PLCB1: variants seen among roughly 807,000 people sequenced by gnomAD.
PLCB1 encodes 1-phosphatidylinositol 4,5-bisphosphate phosphodiesterase beta-1.
Under a neutral mutation model 161.8 loss-of-function variants are expected in PLCB1, and 46 were observed. The ratio of observed to expected loss-of-function variants is 0.28; its 90% CI spans 0.22 to 0.36. The LOEUF (loss-of-function observed/expected upper bound fraction) is 0.36, where lower values mean the gene tolerates loss of function less well. PLCB1 is among the 10% of genes least tolerant of loss of function. The probability of loss-of-function intolerance (pLI) is 1.00; values close to 1 mark genes in which losing one functional copy is unlikely to be tolerated. For synonymous variants in PLCB1, 517 were observed against 503.7 expected (o/e 1.03, Z -0.35); for missense variants, 1,016 against 1,472.5 (o/e 0.69, Z 5.07).
chr20:8,844,084 G>T (rs948825272), intron 31 of PLCB1, among the ~76,000 whole-genome samples: 1 of 152,196 alleles, frequency 6.6e-6, no homozygotes, highest in Non-Finnish European at 1.5e-5. Context: ...ACTGTTAGCT[G>T]TGAGAAAGTA....
intron 9 of PLCB1, among the ~76,000 whole-genome samples, chr20:8,664,846 G>T (rs1396691648): frequency 1.3e-5 from 2 of 152,144 alleles, no homozygotes; most frequent in East Asian, 3.9e-4. Context: ...TAGCTCACCA[G>T]TCCTAGTATA....
At chr20:8,730,607 C>T (rs991306177) in intron 18 of PLCB1, among the ~76,000 whole-genome samples, 3 of 151,570 alleles carry the variant, frequency 2.0e-5, no homozygotes, top group African/African-American at 4.8e-5. Flanking sequence ...CTTAATTTAA[C>T]TGTATTATGT....
At chr20:8,515,352 C>A (rs1436288324) in intron 3 of PLCB1, among the ~76,000 whole-genome samples, 1 of 152,150 alleles carries the variant, frequency 6.6e-6, no homozygotes, top group Non-Finnish European at 1.5e-5. Context: ...AATTATGGCT[C>A]TAAATATACT....
At chr20:8,520,271 T>A (rs1406094327) in intron 3 of PLCB1, among the ~76,000 whole-genome samples, 1 of 152,184 alleles carries the variant, frequency 6.6e-6, no homozygotes, top group African/African-American at 2.4e-5. Context: ...GAATATCCCA[T>A]TGGTTAATTT....
intron 2 of PLCB1, among the ~76,000 whole-genome samples, chr20:8,161,911 T>C (rs1315643614): frequency 1.3e-5 from 2 of 152,138 alleles, no homozygotes; most frequent in African/African-American, 4.8e-5. Flanking sequence ...CACTTTGCCT[T>C]TCCTGCCTGT....
intron 10 of PLCB1, among the ~76,000 whole-genome samples, chr20:8,695,181 T>C (rs1163250457): frequency 6.6e-6 from 1 of 152,214 alleles, no homozygotes; most frequent in Non-Finnish European, 1.5e-5. Flanking sequence ...CAGACCCACT[T>C]AATCAGCCTT....
chr20:8,727,552 G>A (rs755547725), intron 17 of PLCB1, among the ~76,000 whole-genome samples, 159 bp downstream of exon 17: 14 of 152,004 alleles, frequency 9.2e-5, no homozygotes, highest in Admixed American at 1.3e-4. Context: ...AATGCTGGGC[G>A]GGGTAGTCTG....
At chr20:8,403,761 T>C (rs546065610) in intron 3 of PLCB1, among the ~76,000 whole-genome samples, 24 of 152,314 alleles carry the variant, frequency 1.6e-4, no homozygotes, top group African/African-American at 5.5e-4. Flanking sequence ...GCCATTGCAT[T>C]CCTCAGGGGA....
chr20:8,468,009 A>T (rs895974397), intron 3 of PLCB1, among the ~76,000 whole-genome samples: 10 of 152,202 alleles, frequency 6.6e-5, no homozygotes, highest in Admixed American at 3.9e-4. Context: ...AAAAATGTGG[A>T]TAAATCTCAC....
At chr20:8,640,499 AGT>A (rs1473758329) in intron 4 of PLCB1, among the ~76,000 whole-genome samples, 1 of 152,202 alleles carries the variant, frequency 6.6e-6, no homozygotes, top group Non-Finnish European at 1.5e-5. Flanking sequence ...ATACAACCAA[AGT>A]AATAATTAAC....
chr20:8,658,807 T>A, intron 9 of PLCB1, 103 bp downstream of exon 9: 1 of 931,500 alleles, frequency 1.1e-6, no homozygotes, highest in Non-Finnish European at 1.6e-6. Context: ...TAGTTTCCTC[T>A]GTTTACAAGG....
At chr20:8,434,470 T>C (rs1199394912) in intron 3 of PLCB1, among the ~76,000 whole-genome samples, 1 of 152,220 alleles carries the variant, frequency 6.6e-6, no homozygotes, top group Non-Finnish European at 1.5e-5. Context: ...TTATTGCTAC[T>C]CCTAAGGGAG....
chr20:8,282,503 A>C (rs779286329), intron 2 of PLCB1, among the ~76,000 whole-genome samples: 1 of 152,220 alleles, frequency 6.6e-6, no homozygotes, highest in Non-Finnish European at 1.5e-5. Flanking sequence ...CTTGAAAAGG[A>C]AGTTGTTTGA....
chr20:8,382,286 T>TC (rs1309528748), intron 3 of PLCB1, among the ~76,000 whole-genome samples: 4 of 147,706 alleles, frequency 2.7e-5, no homozygotes, highest in African/African-American at 9.9e-5. Context: ...TCTTTTTCTT[T>TC]TTTTTTTTTT....
intron 3 of PLCB1, among the ~76,000 whole-genome samples, chr20:8,557,016 T>TA (rs1272446942): frequency 3.3e-5 from 4 of 121,262 alleles, no homozygotes; most frequent in East Asian, 4.9e-4. Flanking sequence ...ATAAATAAAA[T>TA]AAATAAAAAA....
intron 2 of PLCB1, among the ~76,000 whole-genome samples, chr20:8,272,808 C>A (rs1426583436): frequency 6.6e-6 from 1 of 152,078 alleles, no homozygotes; most frequent in African/African-American, 2.4e-5. Context: ...GAAGTCCCTG[C>A]TAAGTTAAAT....
intron 2 of PLCB1, among the ~76,000 whole-genome samples, chr20:8,164,380 G>C (rs1356577124): frequency 6.6e-6 from 1 of 152,158 alleles, no homozygotes; most frequent in African/African-American, 2.4e-5. Context: ...CCGTAGAGCT[G>C]TGCTGTCTCA....
chr20:8,187,429 A>G (rs562369892), intron 2 of PLCB1, among the ~76,000 whole-genome samples: 2 of 152,284 alleles, frequency 1.3e-5, no homozygotes, highest in East Asian at 3.9e-4. Context: ...CTAAAGTTCT[A>G]AACTCTGGTG....
rs190366882 is a variant in PLCB1 at position 8,151,873 on chromosome 20, A to G, written c.177+1502A>G. ...ATATTCTGGGATTTTTAAATAATTC[A>G]TGGCAACTCAGTTAAGCTCCCCTCT... On this transcript the variant is annotated intron_variant, in intron 2 of 31. Coordinates refer to ENST00000338037, the MANE Select transcript of PLCB1 (RefSeq NM_015192.4). 2.3e-3 allele frequency among the ~76,000 whole-genome samples: 355 copies of G among 152,258 alleles called. 3 individuals are homozygous for G. Among genetic ancestry groups the G allele is most frequent in the African/African-American group, 8.2e-3 (342 of 41,546 alleles).
Sources: allele counts gnomAD v4.1 joint callset (sites outside exome capture counted in the v4.1 genomes callset), GRCh38; gene constraint gnomAD v4.1.1; transcripts MANE v1.5; gene names NCBI Gene and HGNC (gene_info 2026-07-23, HGNC 2026-07-21).